Variants in UNC5A observed in about 807,000 individuals in gnomAD.
The protein encoded by UNC5A is netrin receptor UNC5A.
A neutral mutation model predicts 87.4 loss-of-function variants in UNC5A; 20 were observed. The observed-to-expected ratio is 0.23, with a 90% CI of 0.16 to 0.33. The LOEUF (loss-of-function observed/expected upper bound fraction) is 0.33. Among genes scored for constraint, UNC5A ranks in the 10% least tolerant of loss-of-function variants. UNC5A has a pLI of 1.00. For missense variants in UNC5A, 844 were observed against 1,133.4 expected, an observed-to-expected ratio of 0.74 and a Z score of 3.67; for synonymous variants, 438 against 482.3, an observed-to-expected ratio of 0.91 and a Z score of 1.20.
At chr5:176,870,819 A>AC (rs1474956400) in intron 6 of UNC5A, among the ~76,000 whole-genome samples, 1 of 144,592 alleles carries the variant, frequency 6.9e-6, no homozygotes. Flanking sequence ...GCCCACACTC[A>AC]CCAACACCAC....
chr5:176,846,974 C>T (rs537938758), intron 1 of UNC5A, among the ~76,000 whole-genome samples: 16 of 152,298 alleles, frequency 1.1e-4, no homozygotes, highest in Admixed American at 2.0e-4. Context: ...CGCGCACATG[C>T]TCTGCCCTCC....
In UNC5A at chr5:176,838,122, C is replaced by G. The variant is rs1241004734; in HGVS notation, c.71-24502C>G. 6.6e-6 allele frequency among the ~76,000 whole-genome samples: 1 copy of G among 152,162 alleles called. No individual in the cohort carries two copies. Among genetic ancestry groups the G allele is most frequent in the Non-Finnish European group, 1.5e-5 (1 of 68,020 alleles). On this transcript the variant is annotated intron_variant, in intron 1 of 14. Transcript: ENST00000329542. The surrounding 1 kb of genome is among the most constrained non-coding windows in gnomAD (Gnocchi z 4.2). ...TGAAATTCCCGGAACTCGTTCCAGG[C>G]AAAGTGGCCCTGCAGGTCATGAAGT... is the stretch of plus-strand genomic sequence containing the variant.
chr5:176,868,033 G>C, intron 2 of UNC5A, 97 bp from the exon 3 acceptor site: 1 of 1,075,624 alleles, frequency 9.3e-7, no homozygotes, highest in Non-Finnish European at 1.3e-6. Context: ...CCACTCCCTT[G>C]CCAGTCAGCG....
At chr5:176,830,659 TGTGCTGGTGTGTGTGGGAGTGTGTGC>T (rs1457213156) in intron 1 of UNC5A, among the ~76,000 whole-genome samples, 1 of 134,306 alleles carries the variant, frequency 7.4e-6, no homozygotes, top group African/African-American at 2.8e-5. Context: ...TTTGTGTGTG[TGTGCTGGTGTGTGTGGGAGTGTGTGC>T]TGGCATGTGT....
At chr5:176,863,591 C>T (rs1757894027) in intron 2 of UNC5A, among the ~76,000 whole-genome samples, 1 of 151,994 alleles carries the variant, frequency 6.6e-6, no homozygotes, top group African/African-American at 2.4e-5. Context: ...ACCACATTCC[C>T]CACCCCCAGC....
At chr5:176,849,862 A>G (rs1006308354) in intron 1 of UNC5A, among the ~76,000 whole-genome samples, 1 of 152,174 alleles carries the variant, frequency 6.6e-6, no homozygotes, top group African/African-American at 2.4e-5. Context: ...GCAGGGACAG[A>G]GATGACACCC....
At chr5:176,843,983 T>TA (rs1757341560) in intron 1 of UNC5A, among the ~76,000 whole-genome samples, 1 of 152,170 alleles carries the variant, frequency 6.6e-6, no homozygotes, top group Non-Finnish European at 1.5e-5. Flanking sequence ...CCACAAGAAA[T>TA]AAAGTTTGTT....
At chr5:176,851,582 C>T (rs958403964) in intron 1 of UNC5A, among the ~76,000 whole-genome samples, 1 of 152,260 alleles carries the variant, frequency 6.6e-6, no homozygotes, top group Non-Finnish European at 1.5e-5. Context: ...ATCATCCCCG[C>T]GCCGGGGCCA....
chr5:176,845,695 G>T (rs1365885175), intron 1 of UNC5A, among the ~76,000 whole-genome samples: 2 of 152,216 alleles, frequency 1.3e-5, no homozygotes, highest in African/African-American at 4.8e-5. Context: ...CTAGTTCCAG[G>T]CAGATGGACA....
At chr5:176,858,772 A>AAGGCAGGC (rs1554098984) in intron 1 of UNC5A, among the ~76,000 whole-genome samples, 15 of 140,218 alleles carry the variant, frequency 1.1e-4, no homozygotes, top group African/African-American at 4.3e-4. Context: ...GGAAGGAAGG[A>AAGGCAGGC]AGGCAAGCAA....
chr5:176,867,646 G>A (rs1037340073), intron 2 of UNC5A, among the ~76,000 whole-genome samples: 2 of 152,184 alleles, frequency 1.3e-5, no homozygotes, highest in African/African-American at 2.4e-5. Flanking sequence ...GTTAATGACT[G>A]TTATTATATT....
At chr5:176,846,677 G>A (rs2113629443) in intron 1 of UNC5A, among the ~76,000 whole-genome samples, 1 of 152,264 alleles carries the variant, frequency 6.6e-6, no homozygotes, top group East Asian at 1.9e-4. Flanking sequence ...TCCCACAAGT[G>A]GGCGGGCTCT....
intron 1 of UNC5A, among the ~76,000 whole-genome samples, chr5:176,855,062 T>A (rs1360735128): frequency 6.6e-6 from 1 of 152,214 alleles, no homozygotes; most frequent in Non-Finnish European, 1.5e-5. Context: ...ATGTACTGGC[T>A]CATGCTCTGG....
intron 1 of UNC5A, among the ~76,000 whole-genome samples, chr5:176,831,070 C>T (rs1757010852): frequency 6.6e-6 from 1 of 152,060 alleles, no homozygotes; most frequent in East Asian, 1.9e-4. Context: ...CCTCATCCTT[C>T]TGTTGCCCCA....
intron 2 of UNC5A, among the ~76,000 whole-genome samples, chr5:176,864,634 C>T (rs1291018452): frequency 2.0e-5 from 3 of 152,244 alleles, no homozygotes; most frequent in Non-Finnish European, 4.4e-5. Flanking sequence ...ACCACCCCTC[C>T]GTGAGGGTCA....
intron 1 of UNC5A, among the ~76,000 whole-genome samples, chr5:176,825,116 A>G (rs1468917278): frequency 1.3e-5 from 2 of 152,174 alleles, no homozygotes; most frequent in African/African-American, 4.8e-5. Flanking sequence ...ATAATTGGAA[A>G]CTGGGAGTGG....
Position 176,824,290 on chromosome 5 carries a change from T to C in UNC5A, c.70+13470T>C, listed in dbSNP as rs1335335545. ...TCAGGGACAAGCGGAGGGAGGAGGC[T>C]GTCCCAGTGGCCCCGAGGCCCTGAG... On this transcript the variant is annotated intron_variant, in intron 1 of 14. Coordinates refer to ENST00000329542, the MANE Select transcript of UNC5A (RefSeq NM_133369.3). The surrounding 1 kb of genome is among the most constrained non-coding windows in gnomAD (Gnocchi z 4.2). Among the ~76,000 whole-genome samples the C allele has an allele frequency of 6.6e-6, 1 of 152,140 alleles. No individual in the cohort carries two copies. Among genetic ancestry groups the C allele is most frequent in the African/African-American group, 2.4e-5 (1 of 41,418 alleles).
In UNC5A at chr5:176,879,842, C is replaced by T; in HGVS notation, c.2485C>T (p.Gln829Ter). ...QLAAAVAGLG[Q>*]PDAGLFTVSE... is the part of the protein sequence containing the mutation. The stretch of plus-strand genomic sequence containing the variant: ...GGCTGCAGCAGTGGCTGGACTGGGC[C>T]AGCCAGACGCTGGCCTCTTCACAGT... The change falls in exon 15 of 15, where the codon CAG (glutamine) becomes TAG (stop). Residue 829 changes from glutamine (Q) to a stop codon, truncating the protein, a stop_gained. Coordinates refer to ENST00000329542, the MANE Select transcript of UNC5A (RefSeq NM_133369.3). LOFTEE classifies it high-confidence loss of function. 6.2e-7 allele frequency: 1 copy of T among 1,612,582 alleles called. No individual in the cohort carries two copies. Among genetic ancestry groups the T allele is most frequent in the Non-Finnish European group, 8.5e-7 (1 of 1,179,818 alleles).
chr5:176,856,775 C>G (rs548680561), intron 1 of UNC5A, among the ~76,000 whole-genome samples: 1 of 152,240 alleles, frequency 6.6e-6, no homozygotes. Context: ...CCACCCCTCC[C>G]CTCCCACTCC....
Sources: gnomAD v4.1 joint callset for allele counts (sites outside exome capture counted in the v4.1 genomes callset) on GRCh38, gnomAD v4.1.1 for gene constraint, Gnocchi (gnomAD v3.1) non-coding constraint, MANE v1.5 for transcripts, NCBI Gene and HGNC (gene_info 2026-07-23, HGNC 2026-07-21) for gene names.